UBAP1: variants seen among roughly 807,000 people sequenced by gnomAD.
UBAP1 encodes ubiquitin associated protein 1, also known as ubiquitin-associated protein 1.
A neutral mutation model predicts 39.0 loss-of-function variants in UBAP1; 5 were observed. The ratio of observed to expected loss-of-function variants is 0.13; its 90% CI spans 0.07 to 0.27. The LOEUF (loss-of-function observed/expected upper bound fraction) is 0.27. Ranked by LOEUF, UBAP1 falls within the 10% of genes least tolerant of loss-of-function variation. UBAP1 has a pLI of 1.00. For missense variants in UBAP1, 490 were observed against 608.1 expected, an observed-to-expected ratio of 0.81 and a Z score of 2.04; for synonymous variants, 211 against 225.1, an observed-to-expected ratio of 0.94 and a Z score of 0.56.
At chr9:34,203,694 T>C (rs1831527158) in intron 1 of UBAP1, among the ~76,000 whole-genome samples, 1 of 152,260 alleles carries the variant, frequency 6.6e-6, no homozygotes, top group South Asian at 2.1e-4. Context: ...GTTCTGACAT[T>C]TATTTTAGCA....
chr9:34,198,664 C>G (rs983285520), intron 1 of UBAP1, among the ~76,000 whole-genome samples: 3 of 152,164 alleles, frequency 2.0e-5, no homozygotes, highest in Non-Finnish European at 2.9e-5. Context: ...TGAGCCCCAC[C>G]CCCTTCTTTG....
intron 2 of UBAP1, chr9:34,224,533 TG>T: frequency 2.3e-6 from 1 of 431,372 alleles, no homozygotes; most frequent in Non-Finnish European, 4.0e-6. Context: ...TGTTGGCAGC[TG>T]GGCACCCCTG....
intron 3 of UBAP1, among the ~76,000 whole-genome samples, chr9:34,237,864 G>A (rs1023205474): frequency 2.0e-5 from 3 of 152,070 alleles, no homozygotes; most frequent in African/African-American, 4.8e-5. Flanking sequence ...CACCATGCCC[G>A]GCCAAAATTC....
chr9:34,249,316 G>C (rs759203895), intron 4 of UBAP1, among the ~76,000 whole-genome samples: 26 of 152,210 alleles, frequency 1.7e-4, no homozygotes, highest in Non-Finnish European at 3.4e-4. Context: ...CTTTGGGATA[G>C]AGTTAGCTCC....
chr9:34,224,146 C>CTTT, intron 2 of UBAP1: 2 of 684,528 alleles, frequency 2.9e-6, no homozygotes, highest in Non-Finnish European at 4.7e-6. Flanking sequence ...TGATTTTGGC[C>CTTT]TTTTTTTTTC....
intron 2 of UBAP1, chr9:34,224,487 C>T: frequency 2.6e-6 from 1 of 391,252 alleles, no homozygotes; most frequent in Middle Eastern, 3.6e-4. Flanking sequence ...CCTCCTCAAA[C>T]ATGGACTGTG....
At chr9:34,212,322 CAGG>C (rs1385986611) in intron 1 of UBAP1, among the ~76,000 whole-genome samples, 2 of 151,082 alleles carry the variant, frequency 1.3e-5, no homozygotes, top group Non-Finnish European at 2.9e-5. Flanking sequence ...GAGGCCAAGG[CAGG>C]AGGATAGCTT....
intron 2 of UBAP1, among the ~76,000 whole-genome samples, chr9:34,232,359 C>A (rs559607016): frequency 1.3e-5 from 2 of 152,306 alleles, no homozygotes; most frequent in African/African-American, 4.8e-5. Context: ...ATGTGATAGG[C>A]ATTGCCAGCC....
At chr9:34,243,737 G>A (rs576069175) in intron 4 of UBAP1, among the ~76,000 whole-genome samples, 35 of 152,084 alleles carry the variant, frequency 2.3e-4, no homozygotes, top group African/African-American at 8.2e-4. Flanking sequence ...TGATCCACCC[G>A]CCTCAGCCTC....
At chr9:34,228,772 G>A (rs112645748) in intron 2 of UBAP1, among the ~76,000 whole-genome samples, 18,305 of 150,598 alleles carry the variant, frequency 0.12, 1,439 homozygotes, top group Non-Finnish European at 0.18. Context: ...TAGAGACGGG[G>A]GTTTCACCAT....
chr9:34,242,488 A>G (rs1834010162), intron 4 of UBAP1, among the ~76,000 whole-genome samples: 1 of 151,998 alleles, frequency 6.6e-6, no homozygotes, highest in Admixed American at 6.6e-5. Context: ...ATAGAAATCA[A>G]TAGAAGTCAA....
intron 1 of UBAP1, among the ~76,000 whole-genome samples, chr9:34,197,868 C>G (rs1179431544): frequency 6.6e-6 from 1 of 152,184 alleles, no homozygotes; most frequent in African/African-American, 2.4e-5. Context: ...TCTTAATGAT[C>G]TTTTTGTCCT....
intron 1 of UBAP1, among the ~76,000 whole-genome samples, chr9:34,195,658 C>T (rs1181206062): frequency 3.3e-5 from 5 of 150,818 alleles, no homozygotes; most frequent in South Asian, 2.1e-4. Context: ...AGTGCAATGG[C>T]GCGATCTCGG....
intron 4 of UBAP1, among the ~76,000 whole-genome samples, chr9:34,244,207 C>T (rs1834111853): frequency 6.6e-6 from 1 of 152,150 alleles, no homozygotes; most frequent in African/African-American, 2.4e-5. Context: ...CCTTCTCAGC[C>T]CCTGTGGTAA....
In UBAP1 at chr9:34,241,339, C is replaced by G. The variant is rs149805302; in HGVS notation, c.314C>G (p.Ser105Cys). 2.6e-6 allele frequency: 4 copies of G among 1,523,262 alleles called. No homozygotes were observed. The highest frequency in any genetic ancestry group is 2.6e-6 in the Non-Finnish European group (3 of 1,137,122). The allele number at this position is 1,523,262 out of a possible 1,614,324, so 94.4% of individuals were successfully genotyped here. ...GPEGDSKMSFSKTHSTATMPP... is the reference protein window; with the variant it reads ...GPEGDSKMSFCKTHSTATMPP... ...GAGGGCGATAGCAAAATGAGCTTCTCCAAGACTCACAGTACAGCCACAATG... is the reference window on the plus strand; with the variant it reads ...GAGGGCGATAGCAAAATGAGCTTCTGCAAGACTCACAGTACAGCCACAATG... The change falls in exon 4 of 7, where the codon TCC becomes TGC. Residue 105 changes from serine to cysteine, a missense_variant. Ser to Cys is a moderately radical substitution (Grantham distance 112). This residue lies in a region of UBAP1 where 144 missense variants were observed against 184.4 expected (regional missense o/e 0.78). Coordinates refer to ENST00000297661, the MANE Select transcript of UBAP1 (RefSeq NM_016525.5).
chr9:34,227,511 C>T (rs972103495), intron 2 of UBAP1, among the ~76,000 whole-genome samples: 1 of 152,138 alleles, frequency 6.6e-6, no homozygotes, highest in Non-Finnish European at 1.5e-5. Context: ...CTCCCCCCAC[C>T]TGGAATTGTA....
chr9:34,231,641 T>G (rs1833424887), intron 2 of UBAP1, among the ~76,000 whole-genome samples: 3 of 94,588 alleles, frequency 3.2e-5, no homozygotes. Context: ...TTTTTGTTTT[T>G]TTTTTTTGTT....
Position 34,234,284 on chromosome 9 carries a change from G to A in UBAP1, c.103G>A (p.Gly35Ser). The A allele has an allele frequency of 1.2e-6, 2 of 1,613,152 alleles. No homozygotes were observed. The highest frequency in any genetic ancestry group is 1.7e-6 in the Non-Finnish European group (2 of 1,179,830). ...CAAATTCAAAACACCAGCTAAAGTT[G>A]GTCTACCTATTGGCTTCTCCTTGCC... ...GDKFKTPAKVGLPIGFSLPDC... is the reference protein window; with the variant it reads ...GDKFKTPAKVSLPIGFSLPDC... Residue 35 changes from glycine (G) to serine (S), a missense_variant, in exon 3 of 7, where the codon GGT becomes AGT. By Grantham distance (56) the Gly-to-Ser change is moderately conservative (BLOSUM62 0). Transcript: ENST00000297661.
At chr9:34,248,607 T>C (rs959845759) in intron 4 of UBAP1, among the ~76,000 whole-genome samples, 2 of 152,206 alleles carry the variant, frequency 1.3e-5, no homozygotes, top group Admixed American at 6.5e-5. Context: ...TTATTGTGAC[T>C]CTTGTACCAT....
Sources: allele counts gnomAD v4.1 joint callset (sites outside exome capture counted in the v4.1 genomes callset), GRCh38; gene constraint gnomAD v4.1.1; regional missense constraint gnomAD v4.1.1; transcripts MANE v1.5; gene names NCBI Gene and HGNC (gene_info 2026-07-23, HGNC 2026-07-21).